The following C16orf74 variants were observed in gnomAD, a reference collection of about 807,000 sequenced individuals.
C16orf74 encodes the protein calcimembrin.
A neutral mutation model predicts 6.5 loss-of-function variants in C16orf74; 10 were observed. That is an observed-to-expected ratio of 1.54 (90% CI 0.95 to 2.61). C16orf74 has a LOEUF of 2.61. C16orf74 is among the 30% of genes most tolerant of loss of function. The pLI is 0.00. For missense variants in C16orf74, 141 were observed against 105.9 expected (o/e 1.33, Z -1.45); for synonymous variants, 60 against 42.5 (o/e 1.41, Z -1.60).
At chr16:85,750,318 C>A (rs2054422918) in intron 1 of C16orf74, among the ~76,000 whole-genome samples, 1 of 151,874 alleles carries the variant, frequency 6.6e-6, no homozygotes. Context: ...TCCGCCTATC[C>A]CTGGGGGGAG....
At chr16:85,712,857 T>A (rs1356160904) in intron 2 of C16orf74, among the ~76,000 whole-genome samples, 2 of 152,230 alleles carry the variant, frequency 1.3e-5, no homozygotes, top group Non-Finnish European at 2.9e-5. Context: ...AGTCTTTGTT[T>A]GCCGGGGGCT....
chr16:85,734,659 T>C (rs394094), intron 2 of C16orf74, among the ~76,000 whole-genome samples: 45,350 of 152,136 alleles, frequency 0.3, 7,215 homozygotes, highest in Middle Eastern at 0.42. Context: ...ATGGGAGGTT[T>C]CCTGCAACAT....
At position 85,737,718 on chromosome 16, in the gene C16orf74, C is replaced by A. The variant is rs549608545; in HGVS notation, c.-18-2483G>T. Among the ~76,000 whole-genome samples the A allele has an allele frequency of 3.3e-4, 51 of 152,272 alleles. 1 individual carries two copies. Among genetic ancestry groups the A allele is most frequent in the Admixed American group, 2.9e-3 (45 of 15,280 alleles). On this transcript the variant is annotated intron_variant, in intron 1 of 3. Transcript: ENST00000284245. ...TGGTGGTGGGTGCCTGTAATCCCAGCTACTCATGAGTCTTGGGCATGAGAA... is the reference window on the plus strand; with the variant it reads ...TGGTGGTGGGTGCCTGTAATCCCAGATACTCATGAGTCTTGGGCATGAGAA...
chr16:85,743,106 G>A (rs1361412777), intron 1 of C16orf74, among the ~76,000 whole-genome samples: 2 of 152,162 alleles, frequency 1.3e-5, no homozygotes, highest in African/African-American at 4.8e-5. Context: ...GGAGAGCCCT[G>A]TCCACTCCCT....
intron 1 of C16orf74, among the ~76,000 whole-genome samples, chr16:85,742,716 T>C (rs922646171): frequency 6.6e-6 from 1 of 152,142 alleles, no homozygotes; most frequent in African/African-American, 2.4e-5. Flanking sequence ...TAATTTTGTA[T>C]TTTTAGTAGA....
intron 1 of C16orf74, among the ~76,000 whole-genome samples, chr16:85,746,492 C>A (rs1456881817): frequency 2.0e-5 from 3 of 152,190 alleles, no homozygotes; most frequent in African/African-American, 7.2e-5. Flanking sequence ...GAGAACTAGA[C>A]AGGGAAAGTG....
At chr16:85,708,666 A>C (rs2053937162) in intron 3 of C16orf74, among the ~76,000 whole-genome samples, 1 of 152,222 alleles carries the variant, frequency 6.6e-6, no homozygotes, top group South Asian at 2.1e-4. Context: ...GCACTTGGAA[A>C]GGTCACAGAG....
chr16:85,740,827 C>CCAAAA (rs2054298135), intron 1 of C16orf74, among the ~76,000 whole-genome samples: 1 of 97,900 alleles, frequency 1.0e-5, no homozygotes, highest in Non-Finnish European at 1.8e-5. Context: ...GTGAGACCCT[C>CCAAAA]AAAAAAAAAA....
At chr16:85,741,548 T>G (rs1182466089) in intron 1 of C16orf74, 1 of 170,006 alleles carries the variant, frequency 5.9e-6, no homozygotes, top group African/African-American at 2.4e-5. Flanking sequence ...CAATTTGATG[T>G]GGGGTGTGTG....
chr16:85,718,274 T>C (rs2054045092), intron 2 of C16orf74, among the ~76,000 whole-genome samples: 1 of 151,774 alleles, frequency 6.6e-6, no homozygotes, highest in Non-Finnish European at 1.5e-5. Flanking sequence ...AGGGCCTCAT[T>C]ATATTGGTCT....
chr16:85,708,756 C>G (rs2053938016), intron 3 of C16orf74, among the ~76,000 whole-genome samples: 1 of 152,226 alleles, frequency 6.6e-6, no homozygotes, highest in Non-Finnish European at 1.5e-5. Context: ...CAGCTTTCTC[C>G]CAGTCACTCG....
At chr16:85,739,081 C>A (rs541430902) in intron 1 of C16orf74, among the ~76,000 whole-genome samples, 1 of 152,244 alleles carries the variant, frequency 6.6e-6, no homozygotes, top group East Asian at 1.9e-4. Context: ...CAGACCTCAT[C>A]TCCATCCCTC....
chr16:85,714,185 C>T (rs958994903), intron 2 of C16orf74, among the ~76,000 whole-genome samples: 10 of 152,152 alleles, frequency 6.6e-5, no homozygotes, highest in Non-Finnish European at 1.0e-4. Context: ...TGGGGAGAGA[C>T]GGCCACGGTC....
chr16:85,728,224 G>A (rs973238039), intron 2 of C16orf74, among the ~76,000 whole-genome samples: 1 of 152,178 alleles, frequency 6.6e-6, no homozygotes, highest in African/African-American at 2.4e-5. Context: ...TTGGTTTGCT[G>A]TAACGAGTGG....
chr16:85,727,021 G>C (rs938442778), intron 2 of C16orf74, among the ~76,000 whole-genome samples: 39 of 152,236 alleles, frequency 2.6e-4, no homozygotes, highest in African/African-American at 9.4e-4. Flanking sequence ...CACTGAGTTA[G>C]CATTAAGGTC....
intron 2 of C16orf74, among the ~76,000 whole-genome samples, chr16:85,720,613 A>T (rs1037880336): frequency 3.9e-5 from 6 of 152,050 alleles, no homozygotes; most frequent in Admixed American, 6.6e-5. Flanking sequence ...TCTCTAAAAA[A>T]ATTTTTTTTT....
intron 2 of C16orf74, among the ~76,000 whole-genome samples, chr16:85,722,597 C>T (rs576729864): frequency 6.0e-4 from 91 of 152,346 alleles, no homozygotes; most frequent in African/African-American, 2.2e-3. Context: ...GGGCCCAGGG[C>T]CCCAGGACTG....
chr16:85,738,012 C>T (rs1335985072), intron 1 of C16orf74, among the ~76,000 whole-genome samples: 35 of 137,252 alleles, frequency 2.6e-4, no homozygotes, highest in Admixed American at 1.6e-4. Flanking sequence ...GTATTTTATG[C>T]GTGGTCCAAG....
intron 2 of C16orf74, among the ~76,000 whole-genome samples, chr16:85,732,270 C>G (rs2054196765): frequency 6.6e-6 from 1 of 152,216 alleles, no homozygotes; most frequent in Non-Finnish European, 1.5e-5. Flanking sequence ...GAATAAATTC[C>G]TCTTTTAAGC....
Sources: allele counts gnomAD v4.1 joint callset (sites outside exome capture counted in the v4.1 genomes callset), GRCh38; gene constraint gnomAD v4.1.1; transcripts MANE v1.5; gene names NCBI Gene and HGNC (gene_info 2026-07-23, HGNC 2026-07-21).